The following RANBP17 variants were observed in gnomAD, a reference collection of about 807,000 sequenced individuals.
RANBP17 encodes RAN binding protein 17, also known as ran-binding protein 17.
In RANBP17, 158 loss-of-function variants were observed where a neutral mutation model predicts 141.2. That is an observed-to-expected ratio of 1.12 (90% confidence interval 0.98 to 1.28). The LOEUF (loss-of-function observed/expected upper bound fraction) is 1.28. Ranked by LOEUF, RANBP17 falls within the 50% of genes most tolerant of loss-of-function variation. The pLI, the probability that RANBP17 is intolerant of heterozygous loss-of-function variation, is 0.00. For synonymous variants in RANBP17, 430 were observed against 450.0 expected, an observed-to-expected ratio of 0.96 and a Z score of 0.56; for missense variants, 1,438 against 1,290.7, an observed-to-expected ratio of 1.11 and a Z score of -1.75.
At position 171,034,971 on chromosome 5, in the gene RANBP17, G is replaced by A. The variant is rs1057440192; in HGVS notation, c.1710+66594G>A. Reference sequence around the variant, plus strand: ...CTGAGAACTGGGACCATAGGCATGAGCCACCACAGGTTTGGTTTTTTTTTC... The same window carrying A: ...CTGAGAACTGGGACCATAGGCATGAACCACCACAGGTTTGGTTTTTTTTTC... On this transcript the variant is annotated intron_variant, in intron 14 of 27. Coordinates refer to ENST00000523189, the MANE Select transcript of RANBP17 (RefSeq NM_022897.5). Among the ~76,000 whole-genome samples the A allele has an allele frequency of 1.5e-4, 23 of 151,918 alleles. 1 individual carries two copies. The highest frequency in any genetic ancestry group is 4.4e-5 in the Non-Finnish European group (3 of 68,010).
At chr5:171,196,685 C>A (rs992305235) in intron 18 of RANBP17, among the ~76,000 whole-genome samples, 3 of 152,166 alleles carry the variant, frequency 2.0e-5, no homozygotes, top group Non-Finnish European at 4.4e-5. Context: ...ACTTAATTCT[C>A]ATGGCTAACT....
At chr5:170,937,550 C>G (rs1773981209) in intron 12 of RANBP17, among the ~76,000 whole-genome samples, 1 of 152,124 alleles carries the variant, frequency 6.6e-6, no homozygotes, top group African/African-American at 2.4e-5. Context: ...CATTTGGTAC[C>G]TTTGTGCAAA....
chr5:171,235,599 C>G (rs575527097), intron 22 of RANBP17, among the ~76,000 whole-genome samples: 1 of 152,154 alleles, frequency 6.6e-6, no homozygotes, highest in Non-Finnish European at 1.5e-5. Context: ...TTGATGTACA[C>G]ACACACACAC....
At chr5:171,008,074 A>G (rs1395090327) in intron 14 of RANBP17, among the ~76,000 whole-genome samples, 1 of 152,170 alleles carries the variant, frequency 6.6e-6, no homozygotes, top group Non-Finnish European at 1.5e-5. Context: ...TGGGTGAATA[A>G]TCAGGCAGGC....
At chr5:171,262,666 T>C (rs775247066) in intron 24 of RANBP17, among the ~76,000 whole-genome samples, 11 of 152,198 alleles carry the variant, frequency 7.2e-5, no homozygotes, top group African/African-American at 1.2e-4. Context: ...ATCTGCTCTT[T>C]TAGCTACTCA....
intron 14 of RANBP17, among the ~76,000 whole-genome samples, chr5:171,057,303 G>A (rs1450295597): frequency 6.6e-6 from 1 of 151,934 alleles, no homozygotes; most frequent in African/African-American, 2.4e-5. Flanking sequence ...TGGTTCCTGT[G>A]TTCCTTTTTA....
intron 14 of RANBP17, among the ~76,000 whole-genome samples, chr5:171,053,344 C>A (rs1202562162): frequency 6.6e-6 from 1 of 152,142 alleles, no homozygotes; most frequent in East Asian, 1.9e-4. Flanking sequence ...AGCTTTTCAA[C>A]TCTTGCTCCC....
chr5:171,078,203 G>C (rs537473643), intron 14 of RANBP17, among the ~76,000 whole-genome samples: 1 of 149,386 alleles, frequency 6.7e-6, no homozygotes, highest in Admixed American at 6.8e-5. Context: ...ACACAATCTG[G>C]TTCACTGCAA....
chr5:171,230,925 C>CT (rs755350321), intron 22 of RANBP17, among the ~76,000 whole-genome samples: 1 of 151,336 alleles, frequency 6.6e-6, no homozygotes, highest in African/African-American at 2.4e-5. Flanking sequence ...CAGAATTAGG[C>CT]TTTTTTTGGT....
At chr5:171,020,479 G>C (rs1422229659) in intron 14 of RANBP17, among the ~76,000 whole-genome samples, 1 of 152,128 alleles carries the variant, frequency 6.6e-6, no homozygotes, top group Non-Finnish European at 1.5e-5. Flanking sequence ...GTTTAGAATA[G>C]TTAGCTCTTC....
At chr5:170,901,248 C>G (rs1581099193) in intron 5 of RANBP17, among the ~76,000 whole-genome samples, 1 of 152,118 alleles carries the variant, frequency 6.6e-6, no homozygotes, top group Non-Finnish European at 1.5e-5. Flanking sequence ...GTGTTGATCC[C>G]TTTAACATTA....
intron 14 of RANBP17, among the ~76,000 whole-genome samples, chr5:171,051,095 G>T (rs1782923168): frequency 6.6e-6 from 1 of 152,064 alleles, no homozygotes; most frequent in South Asian, 2.1e-4. Flanking sequence ...TTCTTGGGCT[G>T]CTTTCAGGAT....
intron 22 of RANBP17, among the ~76,000 whole-genome samples, chr5:171,224,834 T>C (rs1355341752): frequency 1.3e-5 from 2 of 152,228 alleles, no homozygotes; most frequent in Admixed American, 1.3e-4. Context: ...TATAAGCTTT[T>C]ATAGTCCTAT....
chr5:171,114,204 G>A (rs1018888682), intron 14 of RANBP17, among the ~76,000 whole-genome samples: 2 of 152,100 alleles, frequency 1.3e-5, no homozygotes, highest in Non-Finnish European at 1.5e-5. Context: ...CTACTCTACA[G>A]TGTTAGAACC....
intron 12 of RANBP17, among the ~76,000 whole-genome samples, chr5:170,947,952 C>T (rs1774896815): frequency 6.6e-6 from 1 of 152,100 alleles, no homozygotes; most frequent in Non-Finnish European, 1.5e-5. Flanking sequence ...TACAAATTTC[C>T]AAAGATTGGA....
chr5:170,968,283 G>A lies in RANBP17; in HGVS notation c.1616G>A (p.Arg539Gln), dbSNP rs757931781. The A allele has an allele frequency of 2.0e-5, 32 of 1,604,258 alleles. No homozygotes were observed. The South Asian group carries it at 2.0e-4, about 10-fold the overall frequency. The change falls in exon 14 of 28, where the codon CGA becomes CAA. Residue 539 changes from arginine to glutamine, a missense_variant. Arg to Gln is a conservative substitution (Grantham distance 43, BLOSUM62 1). Coordinates refer to ENST00000523189, the MANE Select transcript of RANBP17 (RefSeq NM_022897.5). ...LISLMDTGLP[R>Q]CCNEKIELAI... Reference sequence around the variant, plus strand: ...TCTTTAATGGATACCGGATTGCCTCGATGTTGTAATGAGAAAATAGAGCTT... The same window carrying A: ...TCTTTAATGGATACCGGATTGCCTCAATGTTGTAATGAGAAAATAGAGCTT...
chr5:170,862,375 T>C (rs550478051), intron 1 of RANBP17, among the ~76,000 whole-genome samples: 2 of 152,136 alleles, frequency 1.3e-5, no homozygotes, highest in South Asian at 4.1e-4. Flanking sequence ...GCGGCTTTAG[T>C]GTTGCCAGGG....
At chr5:170,979,613 A>G (rs1480434972) in intron 14 of RANBP17, among the ~76,000 whole-genome samples, 4 of 152,148 alleles carry the variant, frequency 2.6e-5, no homozygotes, top group South Asian at 2.1e-4. Context: ...GATGGTTACT[A>G]TAAAGGGGAG....
intron 3 of RANBP17, among the ~76,000 whole-genome samples, chr5:170,883,609 C>T (rs1768904456): frequency 6.6e-6 from 1 of 152,044 alleles, no homozygotes; most frequent in Non-Finnish European, 1.5e-5. Flanking sequence ...ATTCATCCCA[C>T]CCTCCCCCAA....
Sources: allele counts gnomAD v4.1 joint callset (sites outside exome capture counted in the v4.1 genomes callset), GRCh38; gene constraint gnomAD v4.1.1; transcripts MANE v1.5; gene names NCBI Gene and HGNC (gene_info 2026-07-23, HGNC 2026-07-21).